Variants in TTLL5 observed in about 807,000 individuals in gnomAD.
TTLL5 encodes tubulin tyrosine ligase like 5, also known as tubulin polyglutamylase TTLL5.
In TTLL5, 132 loss-of-function variants were observed where a neutral mutation model predicts 168.4. The ratio of observed to expected loss-of-function variants is 0.78; its 90% CI spans 0.68 to 0.91. The LOEUF is 0.91. Among genes scored for constraint, TTLL5 ranks in the 40% least tolerant of loss-of-function variants. The pLI is 0.00. For missense variants in TTLL5, 1,545 were observed against 1,581.5 expected (o/e 0.98, Z 0.39); for synonymous variants, 546 against 558.6 (o/e 0.98, Z 0.32).
chr14:75,934,614 G>T (rs987938709), intron 31 of TTLL5, among the ~76,000 whole-genome samples: 3 of 152,164 alleles, frequency 2.0e-5, no homozygotes, highest in Non-Finnish European at 4.4e-5. Flanking sequence ...ATCCAGGGCT[G>T]CATACCAAGA....
intron 3 of TTLL5, among the ~76,000 whole-genome samples, chr14:75,675,168 C>T (rs1884044455): frequency 6.6e-6 from 1 of 152,120 alleles, no homozygotes. Context: ...AAGGACATTT[C>T]AAGTGCTTAT....
chr14:75,890,126 G>T (rs1017412750), intron 30 of TTLL5, among the ~76,000 whole-genome samples: 3 of 152,128 alleles, frequency 2.0e-5, no homozygotes, highest in Non-Finnish European at 4.4e-5. Flanking sequence ...GGACTTCCCT[G>T]AGCTCAGCAA....
At chr14:75,682,606 A>G (rs984896314) in intron 4 of TTLL5, among the ~76,000 whole-genome samples, 2 of 152,150 alleles carry the variant, frequency 1.3e-5, no homozygotes, top group African/African-American at 4.8e-5. Flanking sequence ...GGAGTAAGTC[A>G]TTCTCCAAAG....
chr14:75,939,151 C>A (rs1443829236), intron 31 of TTLL5, among the ~76,000 whole-genome samples: 4 of 152,182 alleles, frequency 2.6e-5, no homozygotes, highest in African/African-American at 9.7e-5. Flanking sequence ...TTCTAGCACA[C>A]CACTGGTCAC....
At chr14:75,751,692 G>T (rs1284306043) in intron 17 of TTLL5, among the ~76,000 whole-genome samples, 1 of 152,166 alleles carries the variant, frequency 6.6e-6, no homozygotes, top group Non-Finnish European at 1.5e-5. Context: ...GGAGATATGG[G>T]GAGAAGATAA....
At chr14:75,774,395 A>G (rs747944037) in intron 21 of TTLL5, among the ~76,000 whole-genome samples, 2 of 152,180 alleles carry the variant, frequency 1.3e-5, no homozygotes, top group African/African-American at 2.4e-5. Flanking sequence ...ATTCTTGGGG[A>G]AGAAAAAAAG....
intron 31 of TTLL5, among the ~76,000 whole-genome samples, chr14:75,946,622 A>G (rs1282860546): frequency 1.3e-5 from 2 of 152,230 alleles, no homozygotes; most frequent in African/African-American, 4.8e-5. Context: ...GCACTATTCT[A>G]GGCACTAGGC....
At chr14:75,828,895 AGTT>A (rs1895391839) in intron 28 of TTLL5, among the ~76,000 whole-genome samples, 1 of 152,230 alleles carries the variant, frequency 6.6e-6, no homozygotes, top group African/African-American at 2.4e-5. Context: ...TTCATCTGAT[AGTT>A]GTTACAGTAA....
At chr14:75,806,844 C>A (rs1893688434) in intron 27 of TTLL5, among the ~76,000 whole-genome samples, 1 of 152,060 alleles carries the variant, frequency 6.6e-6, no homozygotes, top group African/African-American at 2.4e-5. Flanking sequence ...TTTTTCCCAG[C>A]CTGCTAGATA....
chr14:75,670,034 T>G (rs1431809605), intron 3 of TTLL5, among the ~76,000 whole-genome samples: 1 of 152,228 alleles, frequency 6.6e-6, no homozygotes, highest in Non-Finnish European at 1.5e-5. Context: ...GGCAGGCTTC[T>G]TTTCACTTAG....
chr14:75,811,611 A>G (rs2140392796), intron 27 of TTLL5, among the ~76,000 whole-genome samples: 1 of 152,292 alleles, frequency 6.6e-6, no homozygotes, highest in East Asian at 1.9e-4. Flanking sequence ...GGGAAGGGCC[A>G]CGTTTTTATC....
intron 28 of TTLL5, chr14:75,838,740 C>T (rs1482469357): frequency 1.3e-5 from 2 of 152,758 alleles, no homozygotes; most frequent in African/African-American, 4.8e-5. Flanking sequence ...GAGGGTGAGG[C>T]ACATCAGCAC....
chr14:75,709,026 CCA>C (rs777705027), intron 9 of TTLL5, among the ~76,000 whole-genome samples: 3 of 152,110 alleles, frequency 2.0e-5, no homozygotes, highest in Admixed American at 6.5e-5. Context: ...TTGTGTTGGG[CCA>C]CATTCAAAGC....
At chr14:75,688,080 A>T (rs1369345200) in intron 5 of TTLL5, among the ~76,000 whole-genome samples, 2 of 152,074 alleles carry the variant, frequency 1.3e-5, no homozygotes, top group Non-Finnish European at 1.5e-5. Context: ...GGCTCCTTGG[A>T]ATCTCCAGAG....
intron 29 of TTLL5, among the ~76,000 whole-genome samples, chr14:75,870,346 A>G (rs759069925): frequency 6.2e-5 from 9 of 145,062 alleles, no homozygotes; most frequent in African/African-American, 2.3e-4. Context: ...GGCTCAAGCT[A>G]TCCTCCCACC....
intron 6 of TTLL5, among the ~76,000 whole-genome samples, chr14:75,695,566 C>A (rs532800569): frequency 5.3e-5 from 8 of 152,274 alleles, no homozygotes; most frequent in African/African-American, 1.9e-4. Flanking sequence ...CAGGGGGCAT[C>A]ATGGAACCTG....
At chr14:75,775,669 A>T in intron 22 of TTLL5, 39 bp downstream of exon 22, 2 of 1,610,312 alleles carry the variant, frequency 1.2e-6, no homozygotes, top group East Asian at 4.5e-5. Flanking sequence ...TTGGATTGCC[A>T]TACACTGTCA....
At chr14:75,903,093 C>T (rs998942841) in intron 31 of TTLL5, among the ~76,000 whole-genome samples, 1 of 152,194 alleles carries the variant, frequency 6.6e-6, no homozygotes, top group Non-Finnish European at 1.5e-5. Context: ...GTTCACTGAA[C>T]AGGCACATAA....
intron 30 of TTLL5, among the ~76,000 whole-genome samples, chr14:75,883,535 A>G (rs1247930181): frequency 6.6e-6 from 1 of 152,184 alleles, no homozygotes; most frequent in Non-Finnish European, 1.5e-5. Context: ...TGTCGCAGAC[A>G]TTTGTGTATT....
Sources: gnomAD v4.1 joint callset for allele counts (sites outside exome capture counted in the v4.1 genomes callset) on GRCh38, gnomAD v4.1.1 for gene constraint, MANE v1.5 for transcripts, NCBI Gene and HGNC (gene_info 2026-07-23, HGNC 2026-07-21) for gene names.